The following FAM167A variants were observed in gnomAD, a reference collection of about 807,000 sequenced individuals.
The protein encoded by FAM167A is protein FAM167A.
FAM167A carries 23 observed loss-of-function variants against 14.9 expected under a neutral mutation model. That is an observed-to-expected ratio of 1.55 (90% CI 1.11 to 2.19). FAM167A has a LOEUF of 2.19. Ranked by LOEUF, FAM167A falls within the 30% of genes most tolerant of loss-of-function variation. FAM167A has a pLI of 0.00. For synonymous variants in FAM167A, 174 were observed against 117.7 expected (o/e 1.48, Z -3.10); for missense variants, 401 against 281.5 (o/e 1.42, Z -3.04).
chr8:11,443,171 C>T (rs1041430964), intron 2 of FAM167A, among the ~76,000 whole-genome samples: 1 of 152,200 alleles, frequency 6.6e-6, no homozygotes, highest in Admixed American at 6.5e-5. Flanking sequence ...GGGTTAGCTT[C>T]ATGCCTGGTG....
Position 11,456,426 on chromosome 8 carries a change from G to A in FAM167A, c.-398+10200C>T, listed in dbSNP as rs71518519. Among the ~76,000 whole-genome samples the A allele has an allele frequency of 7.7e-3, 1,012 of 131,260 alleles. 11 individuals carry two copies. The highest frequency in any genetic ancestry group is 0.012 in the Non-Finnish European group (754 of 61,324). The allele number at this position is 131,260 out of a possible 152,430, so 86.1% of individuals were successfully genotyped here. ...GTGGGGGGTGGTTGCCTTGCTGGGT[G>A]TATGAGTGTGTGAGTGTGGGTACTT... On this transcript the variant is annotated intron_variant, in intron 1 of 2. Transcript: ENST00000284486.
chr8:11,466,489 G>C (rs940268418), intron 1 of FAM167A, 137 bp downstream of exon 1: 3 of 149,446 alleles, frequency 2.0e-5, no homozygotes, highest in Non-Finnish European at 4.4e-5. Flanking sequence ...CCTCCAGGGC[G>C]CTTTGGGATC....
intron 2 of FAM167A, among the ~76,000 whole-genome samples, chr8:11,428,425 G>A (rs1302829273): frequency 1.3e-5 from 2 of 152,242 alleles, no homozygotes; most frequent in African/African-American, 2.4e-5. Context: ...TGCCTCGCAC[G>A]CCCATGCTGT....
rs1437482181 is a variant in FAM167A at position 11,422,052 on chromosome 8, G to GAGCAAAAT, written c.*2313_*2320dup. 2.6e-6 allele frequency: 1 copy of GAGCAAAAT among 381,970 alleles called. No individual in the cohort carries two copies. The highest frequency in any genetic ancestry group is 2.1e-5 in the African/African-American group (1 of 48,270). 23.7% of individuals were successfully genotyped at this position (381,970 alleles called of 1,614,324 possible). On this transcript the variant is annotated 3_prime_UTR_variant, in exon 3 of 3. Coordinates refer to ENST00000284486, the MANE Select transcript of FAM167A (RefSeq NM_053279.3). ...TAATAAAGTTCTCTTAGGATAAACC[G>GAGCAAAAT]AGCAAAATAGCTCAGACATTTAACT...
In FAM167A at chr8:11,422,878, G is replaced by C. The variant is rs1402477925; in HGVS notation, c.*1495C>G. On this transcript the variant is annotated 3_prime_UTR_variant, in exon 3 of 3. Transcript: ENST00000284486. The stretch of plus-strand genomic sequence containing the variant: ...CACTGTCAGTGCCTTGCTCCACCTT[G>C]ACCCAAATGTTCTGAATTGCAATAC... 6.6e-6 allele frequency: 1 copy of C among 152,636 alleles called. No individual in the cohort carries two copies. The highest frequency in any genetic ancestry group is 2.4e-5 in the African/African-American group (1 of 41,446). 9.5% of individuals were successfully genotyped at this position (152,636 alleles called of 1,614,324 possible).
rs902188214 is a variant in FAM167A, at chr8:11,443,865, G to A, written c.381+166C>T. 3.3e-5 allele frequency among the ~76,000 whole-genome samples: 5 copies of A among 152,144 alleles called. No individual in the cohort carries two copies. The East Asian group carries it at 5.8e-4, about 18-fold the overall frequency. On this transcript the variant is annotated intron_variant, in intron 2 of 2. Coordinates refer to ENST00000284486, the MANE Select transcript of FAM167A (RefSeq NM_053279.3). ...GTCCCCCCAGCCACATACAAATGAC[G>A]CCTGCCTTCAACTCACGGGAAGATT...
At chr8:11,428,279 T>C (rs956173697) in intron 2 of FAM167A, among the ~76,000 whole-genome samples, 4 of 152,200 alleles carry the variant, frequency 2.6e-5, no homozygotes, top group Non-Finnish European at 5.9e-5. Context: ...GGGCTGTTTT[T>C]CTGTGGCTGA....
chr8:11,449,676 G>C (rs988568892), intron 1 of FAM167A, among the ~76,000 whole-genome samples: 2 of 152,214 alleles, frequency 1.3e-5, no homozygotes, highest in East Asian at 3.9e-4. Flanking sequence ...CAGCAGTGGG[G>C]ACAAGCCCTT....
At chr8:11,469,967 G>A (rs868743902), upstream of FAM167A, among the ~76,000 whole-genome samples, 13 of 151,990 alleles carry the variant, frequency 8.6e-5, no homozygotes, top group South Asian at 4.2e-4. Flanking sequence ...CTCCCAATTC[G>A]TTTATTCATC....
chr8:11,450,845 C>T (rs1364437705), intron 1 of FAM167A, among the ~76,000 whole-genome samples: 1 of 152,182 alleles, frequency 6.6e-6, no homozygotes, highest in Non-Finnish European at 1.5e-5. Context: ...CGGATGCCAC[C>T]CACCCTGCCT....
intron 1 of FAM167A, among the ~76,000 whole-genome samples, chr8:11,447,086 C>G (rs1174553847): frequency 6.6e-6 from 1 of 152,234 alleles, no homozygotes; most frequent in Non-Finnish European, 1.5e-5. Context: ...TCCCACTGGG[C>G]TACCACTGCT....
At chr8:11,445,264 C>G in intron 1 of FAM167A, 1 of 985,546 alleles carries the variant, frequency 1.0e-6, no homozygotes, top group Non-Finnish European at 1.2e-6. Context: ...AGCAGGGAAA[C>G]CGCACCCCAC....
intron 1 of FAM167A, among the ~76,000 whole-genome samples, chr8:11,456,583 G>C (rs1807322681): frequency 7.0e-6 from 1 of 141,890 alleles, no homozygotes; most frequent in Non-Finnish European, 1.6e-5. Flanking sequence ...GGGTGGATGA[G>C]TGTGAGAGTG....
At chr8:11,428,207 T>G (rs1169576400) in intron 2 of FAM167A, among the ~76,000 whole-genome samples, 1 of 152,224 alleles carries the variant, frequency 6.6e-6, no homozygotes, top group Non-Finnish European at 1.5e-5. Flanking sequence ...GCCAGGTGTC[T>G]AAGACTATCT....
At chr8:11,469,810 T>C (rs112457360), upstream of FAM167A, among the ~76,000 whole-genome samples, 4,655 of 151,194 alleles carry the variant, frequency 0.031, 218 homozygotes, top group African/African-American at 0.1. Context: ...AACCCAGGAG[T>C]TGAAGGTTGC....
chr8:11,426,968 AT>A (rs1255075751), intron 2 of FAM167A, among the ~76,000 whole-genome samples: 2 of 152,204 alleles, frequency 1.3e-5, no homozygotes, highest in East Asian at 3.8e-4. Context: ...TCAGATGTCA[AT>A]TTACATTGCC....
chr8:11,449,371 C>T (rs1426900464), intron 1 of FAM167A, among the ~76,000 whole-genome samples: 1 of 152,182 alleles, frequency 6.6e-6, no homozygotes, highest in Non-Finnish European at 1.5e-5. Context: ...GGCCGGGTGC[C>T]GGGGAACAGA....
chr8:11,467,315 G>A (rs569009810), upstream of FAM167A, among the ~76,000 whole-genome samples: 4 of 152,352 alleles, frequency 2.6e-5, no homozygotes, highest in African/African-American at 9.6e-5. Flanking sequence ...GCGCGGCATC[G>A]GCCACCTCTG....
chr8:11,461,341 G>A (rs559364151), intron 1 of FAM167A, among the ~76,000 whole-genome samples: 6 of 152,376 alleles, frequency 3.9e-5, no homozygotes, highest in South Asian at 2.1e-4. Flanking sequence ...TTTTCCTCCC[G>A]GGAAACGCTC....
Sources: gnomAD v4.1 joint callset for allele counts (sites outside exome capture counted in the v4.1 genomes callset) on GRCh38, gnomAD v4.1.1 for gene constraint, MANE v1.5 for transcripts, NCBI Gene and HGNC (gene_info 2026-07-23, HGNC 2026-07-21) for gene names.